Variants in GPC5 observed in about 807,000 individuals in gnomAD.
GPC5 encodes the protein glypican-5.
GPC5 carries 47 observed loss-of-function variants against 53.9 expected under a neutral mutation model. The ratio of observed to expected loss-of-function variants is 0.87; its 90% CI spans 0.69 to 1.11. The LOEUF (loss-of-function observed/expected upper bound fraction) is 1.11. Ranked by LOEUF, GPC5 falls within the 50% of genes most tolerant of loss-of-function variation. GPC5 has a pLI of 0.00. For synonymous variants in GPC5, 286 were observed against 263.3 expected (o/e 1.09, Z -0.84); for missense variants, 748 against 713.1 (o/e 1.05, Z -0.56).
At chr13:92,175,146 C>T (rs1206747831) in intron 7 of GPC5, among the ~76,000 whole-genome samples, 1 of 152,202 alleles carries the variant, frequency 6.6e-6, no homozygotes, top group Non-Finnish European at 1.5e-5. Flanking sequence ...AGCCACTGTG[C>T]CTGGCCGAAC....
At chr13:92,651,610 G>A (rs1594383715) in intron 7 of GPC5, among the ~76,000 whole-genome samples, 1 of 152,032 alleles carries the variant, frequency 6.6e-6, no homozygotes, top group African/African-American at 2.4e-5. Context: ...ACAGAAAGAG[G>A]ATGCTACAGA....
chr13:91,692,864 G>C (rs1022413914), intron 2 of GPC5, among the ~76,000 whole-genome samples: 2 of 152,142 alleles, frequency 1.3e-5, no homozygotes, highest in Non-Finnish European at 2.9e-5. Flanking sequence ...GGCTGGTCTC[G>C]AACTCTTACC....
chr13:92,585,073 G>A (rs1468518600), intron 7 of GPC5, among the ~76,000 whole-genome samples: 7 of 152,118 alleles, frequency 4.6e-5, no homozygotes, highest in Admixed American at 6.5e-5. Context: ...GGGAAATGTG[G>A]GGTCAGAGAC....
intron 6 of GPC5, among the ~76,000 whole-genome samples, chr13:92,040,096 C>G (rs1449565514): frequency 2.6e-5 from 4 of 152,124 alleles, no homozygotes; most frequent in South Asian, 2.1e-4. Flanking sequence ...TTAAAATGAG[C>G]CTCTTAGTTC....
chr13:92,299,512 T>A (rs889757835), intron 7 of GPC5, among the ~76,000 whole-genome samples: 1 of 152,204 alleles, frequency 6.6e-6, no homozygotes, highest in Non-Finnish European at 1.5e-5. Context: ...ATGAAAATAC[T>A]GAAATTTCTG....
At chr13:92,122,243 A>T (rs2041655643) in intron 6 of GPC5, among the ~76,000 whole-genome samples, 1 of 151,268 alleles carries the variant, frequency 6.6e-6, no homozygotes, top group African/African-American at 2.4e-5. Flanking sequence ...TTGGGCTCTC[A>T]GTGACGTTTT....
chr13:92,386,306 C>T (rs1300794603), intron 7 of GPC5, among the ~76,000 whole-genome samples: 2 of 151,996 alleles, frequency 1.3e-5, no homozygotes, highest in East Asian at 3.9e-4. Context: ...GTTAGCTCTA[C>T]ATAGAGAAAC....
intron 1 of GPC5, among the ~76,000 whole-genome samples, chr13:91,446,946 TG>T (rs1460942976): frequency 6.6e-6 from 1 of 151,924 alleles, no homozygotes; most frequent in East Asian, 1.9e-4. Flanking sequence ...CCATGGAAAA[TG>T]GTTCTGTGAC....
At chr13:92,092,894 T>G (rs1378469271) in intron 6 of GPC5, among the ~76,000 whole-genome samples, 3 of 152,168 alleles carry the variant, frequency 2.0e-5, no homozygotes, top group African/African-American at 7.2e-5. Context: ...AGAGAATATA[T>G]AGGCAGACAT....
chr13:92,064,285 T>A (rs1000650080), intron 6 of GPC5, among the ~76,000 whole-genome samples: 10 of 152,200 alleles, frequency 6.6e-5, no homozygotes, highest in African/African-American at 1.9e-4. Context: ...ATAGTGTTTT[T>A]CAAATGTAAG....
chr13:92,659,848 G>T (rs1489544121), intron 7 of GPC5, among the ~76,000 whole-genome samples: 3 of 152,154 alleles, frequency 2.0e-5, no homozygotes, highest in Non-Finnish European at 4.4e-5. Flanking sequence ...GAAAAGAAAA[G>T]GAAGGAAGTC....
At chr13:91,493,765 G>A (rs1194070372) in intron 2 of GPC5, among the ~76,000 whole-genome samples, 1 of 150,380 alleles carries the variant, frequency 6.6e-6, no homozygotes, top group African/African-American at 2.5e-5. Flanking sequence ...CTTAGTCTTA[G>A]CTGATGACTT....
intron 6 of GPC5, among the ~76,000 whole-genome samples, chr13:92,075,786 C>T (rs1435765297): frequency 6.6e-6 from 1 of 152,036 alleles, no homozygotes; most frequent in Non-Finnish European, 1.5e-5. Flanking sequence ...ATTTTAAAAT[C>T]AGTAGATAAT....
At chr13:91,715,973 C>T (rs1483520231) in intron 3 of GPC5, among the ~76,000 whole-genome samples, 1 of 152,048 alleles carries the variant, frequency 6.6e-6, no homozygotes, top group Non-Finnish European at 1.5e-5. Flanking sequence ...GAGACAAGGT[C>T]TCACTCTGTA....
chr13:91,800,000 A>G (rs1220232818), intron 5 of GPC5, among the ~76,000 whole-genome samples: 1 of 152,112 alleles, frequency 6.6e-6, no homozygotes, highest in Non-Finnish European at 1.5e-5. Flanking sequence ...AGTATCAAGT[A>G]TCAACCCTAG....
At chr13:92,774,766 T>A (rs1043510274) in intron 7 of GPC5, among the ~76,000 whole-genome samples, 3 of 152,226 alleles carry the variant, frequency 2.0e-5, no homozygotes, top group African/African-American at 7.2e-5. Flanking sequence ...GAATTTGTTT[T>A]CTTCCTAAGG....
chr13:91,950,265 A>ATTT (rs1479866986), intron 6 of GPC5, among the ~76,000 whole-genome samples: 1 of 110,380 alleles, frequency 9.1e-6, no homozygotes, highest in African/African-American at 3.8e-5. Context: ...AAAACTGCCA[A>ATTT]GTTTTTTTTT....
At chr13:91,646,965 A>G (rs1191538102) in intron 2 of GPC5, among the ~76,000 whole-genome samples, 1 of 152,160 alleles carries the variant, frequency 6.6e-6, no homozygotes, top group Non-Finnish European at 1.5e-5. Flanking sequence ...ATCTTTTATA[A>G]CATCCATAAA....
intron 7 of GPC5, among the ~76,000 whole-genome samples, chr13:92,619,913 G>A (rs1759248593): frequency 6.6e-6 from 1 of 151,982 alleles, no homozygotes; most frequent in Non-Finnish European, 1.5e-5. Flanking sequence ...CTTGAATACT[G>A]TTTAACCATA....
Sources: allele counts gnomAD v4.1 joint callset (sites outside exome capture counted in the v4.1 genomes callset), GRCh38; gene constraint gnomAD v4.1.1; transcripts MANE v1.5; gene names NCBI Gene and HGNC (gene_info 2026-07-23, HGNC 2026-07-21).